Variants in ARHGAP8 observed in about 807,000 individuals in gnomAD.
The protein encoded by ARHGAP8 is Rho GTPase activating protein 8.
In ARHGAP8, 62 loss-of-function variants were observed where a neutral mutation model predicts 46.1. The observed-to-expected ratio is 1.34, with a 90% CI of 1.10 to 1.66. ARHGAP8 has a LOEUF of 1.66. Among genes scored for constraint, ARHGAP8 ranks in the 40% most tolerant of loss-of-function variants. The probability of loss-of-function intolerance (pLI) is 0.00; values close to 1 mark genes in which losing one functional copy is unlikely to be tolerated. For missense variants in ARHGAP8, 923 were observed against 568.4 expected, an observed-to-expected ratio of 1.62 and a Z score of -6.34; for synonymous variants, 375 against 243.1, an observed-to-expected ratio of 1.54 and a Z score of -5.05.
chr22:44,849,287 G>A (rs2070037967), intron 10 of ARHGAP8: 1 of 718,570 alleles, frequency 1.4e-6, no homozygotes, highest in African/African-American at 1.8e-5. Context: ...GGTCAGGGTT[G>A]TCCAGGCCGG....
At chr22:44,823,051 C>T (rs1930266938) in intron 6 of ARHGAP8, among the ~76,000 whole-genome samples, 1 of 152,264 alleles carries the variant, frequency 6.6e-6, no homozygotes, top group African/African-American at 2.4e-5. Context: ...CTGTGTCTCC[C>T]TCTCTGAGGC....
chr22:44,782,285 C>G (rs1926898030), intron 1 of ARHGAP8, among the ~76,000 whole-genome samples: 1 of 152,104 alleles, frequency 6.6e-6, no homozygotes. Context: ...TACAGTGAGC[C>G]AAGATCGCAC....
In ARHGAP8 at chr22:44,848,027, A is replaced by AG. The variant is rs1244749155; in HGVS notation, c.726dup (p.Ile243AspfsTer14). The AG allele has an allele frequency of 1.9e-6, 3 of 1,607,602 alleles. No homozygotes were observed. The highest frequency in any genetic ancestry group is 1.7e-6 in the Non-Finnish European group (2 of 1,179,954). ...TCCGCCAGCGTGCAGACCGTCCGCGAGATCCAGAGGCTCTACAACCAAGGT... is the reference window on the plus strand; with the variant it reads ...TCCGCCAGCGTGCAGACCGTCCGCGAGGATCCAGAGGCTCTACAACCAAGGT... On this transcript the variant is annotated frameshift_variant, in exon 9 of 12. Coordinates refer to ENST00000356099, the MANE Select transcript of ARHGAP8 (RefSeq NM_181335.3). LOFTEE classifies it high-confidence loss of function.
chr22:44,862,267 T>TA lies in ARHGAP8; in HGVS notation c.982-8_982-7insA. On this transcript the variant is annotated splice_region_variant and splice_polypyrimidine_tract_variant and intron_variant, in intron 11 of 11. Coordinates refer to ENST00000356099, the MANE Select transcript of ARHGAP8 (RefSeq NM_181335.3). ...CACTCCCCTTTACTTGTGTGTGGTT[T>TA]CCTCCAGGTGTCCCGGGAGAGCATC... 6.3e-6 allele frequency: 10 copies of TA among 1,580,552 alleles called. No homozygotes were observed. The South Asian group carries it at 9.2e-5, about 15-fold the overall frequency.
chr22:44,861,469 C>G (rs1206488490), intron 11 of ARHGAP8, among the ~76,000 whole-genome samples: 1 of 118,058 alleles, frequency 8.5e-6, no homozygotes, highest in Non-Finnish European at 1.9e-5. Flanking sequence ...GACCGGCAGC[C>G]AGGGGGAGCC....
chr22:44,858,471 A>G (rs1480553191), intron 10 of ARHGAP8, among the ~76,000 whole-genome samples: 1 of 146,902 alleles, frequency 6.8e-6, no homozygotes, highest in Non-Finnish European at 1.5e-5. Flanking sequence ...GAGTTCAAGC[A>G]ATTCTCCAGC....
chr22:44,816,091 C>A (rs1929721605), intron 5 of ARHGAP8, among the ~76,000 whole-genome samples: 1 of 152,144 alleles, frequency 6.6e-6, no homozygotes, highest in Admixed American at 6.5e-5. Flanking sequence ...GGTCGTCATT[C>A]TTCCCCAGAG....
chr22:44,828,873 C>T (rs1486352394), intron 7 of ARHGAP8, among the ~76,000 whole-genome samples: 1 of 152,076 alleles, frequency 6.6e-6, no homozygotes, highest in African/African-American at 2.4e-5. Flanking sequence ...ACACAGGGTC[C>T]CAGGGGTGGG....
At position 44,839,756 on chromosome 22, in the gene ARHGAP8, C is replaced by T. The variant is rs145058655; in HGVS notation, c.597-5513C>T. Among the ~76,000 whole-genome samples the T allele has an allele frequency of 9.2e-5, 14 of 152,360 alleles. No individual in the cohort carries two copies. In the East Asian group the frequency reaches 1.5e-3, roughly 17 times the overall value. On this transcript the variant is annotated intron_variant, in intron 7 of 11. Transcript: ENST00000356099. ...CGGTGGGTTTCATTCGGGCCCTTTT[C>T]ATCATGACCGAGTCTTCCGTTACCT...
intron 10 of ARHGAP8, among the ~76,000 whole-genome samples, chr22:44,856,218 G>T (rs897380266): frequency 3.3e-4 from 48 of 146,332 alleles, no homozygotes; most frequent in Admixed American, 2.4e-3. Flanking sequence ...ATATCAGAGT[G>T]CAGCTCACAT....
At chr22:44,797,881 C>A (rs931715111) in intron 2 of ARHGAP8, among the ~76,000 whole-genome samples, 1 of 152,102 alleles carries the variant, frequency 6.6e-6, no homozygotes, top group Admixed American at 6.5e-5. Flanking sequence ...GATCCTAGCT[C>A]ACTGCAGCCT....
chr22:44,818,579 C>G (rs1929916076), intron 5 of ARHGAP8, among the ~76,000 whole-genome samples: 1 of 152,244 alleles, frequency 6.6e-6, no homozygotes, highest in African/African-American at 2.4e-5. Flanking sequence ...AACAAAAGAG[C>G]CAACCCCTCT....
chr22:44,862,221 G>C, intron 11 of ARHGAP8, 54 bp from the exon 12 acceptor site: 3 of 1,527,582 alleles, frequency 2.0e-6, no homozygotes, highest in Non-Finnish European at 2.6e-6. Flanking sequence ...GGAGTTCCAG[G>C]TGCCCGTGCC....
intron 5 of ARHGAP8, among the ~76,000 whole-genome samples, chr22:44,815,916 G>T (rs1171033535): frequency 6.6e-6 from 1 of 151,530 alleles, no homozygotes; most frequent in Non-Finnish European, 1.5e-5. Context: ...CTCCCTGGGT[G>T]AGTTCTGCAG....
rs534659435 is a variant in ARHGAP8 at position 44,776,450 on chromosome 22, C to T, written c.-71-10007C>T. ...CTGGACAATAAGAGTGAAACTCCGT[C>T]TCAAAAAAAAAGAAAAAAAAAAGTA... On this transcript the variant is annotated intron_variant, in intron 1 of 11. Coordinates refer to ENST00000356099, the MANE Select transcript of ARHGAP8 (RefSeq NM_181335.3). 7.2e-5 allele frequency among the ~76,000 whole-genome samples: 6 copies of T among 83,004 alleles called. No homozygotes were observed. In the East Asian group the frequency reaches 1.9e-3, roughly 26 times the overall value. 54.5% of individuals were successfully genotyped at this position (83,004 alleles called of 152,430 possible). A position where few individuals can be genotyped will look rare whatever the true frequency, so the allele number is the denominator to read the frequency against.
intron 7 of ARHGAP8, among the ~76,000 whole-genome samples, chr22:44,831,789 G>A (rs970189596): frequency 1.3e-5 from 2 of 152,154 alleles, no homozygotes; most frequent in Non-Finnish European, 2.9e-5. Context: ...TTATTTCTGG[G>A]CACTCTAATT....
intron 10 of ARHGAP8, among the ~76,000 whole-genome samples, chr22:44,853,952 G>A (rs1005907340): frequency 2.8e-4 from 40 of 145,080 alleles, no homozygotes; most frequent in African/African-American, 7.7e-4. Context: ...GCTTGAACCC[G>A]GGAGGCAGAG....
intron 3 of ARHGAP8, among the ~76,000 whole-genome samples, chr22:44,807,251 G>A (rs1928995962): frequency 6.6e-6 from 1 of 152,170 alleles, no homozygotes; most frequent in African/African-American, 2.4e-5. Flanking sequence ...CAGAGTGCTG[G>A]TGGAGGGTTA....
At chr22:44,858,533 CTTTTTTTTTTT>C (rs10700242) in intron 10 of ARHGAP8, among the ~76,000 whole-genome samples, 1 of 89,784 alleles carries the variant, frequency 1.1e-5, no homozygotes, top group Non-Finnish European at 2.0e-5. Context: ...CCATACCCGG[CTTTTTTTTTTT>C]TTTTTTTAAG....
Sources: gnomAD v4.1 joint callset for allele counts (sites outside exome capture counted in the v4.1 genomes callset) on GRCh38, gnomAD v4.1.1 for gene constraint, MANE v1.5 for transcripts, NCBI Gene and HGNC (gene_info 2026-07-23, HGNC 2026-07-21) for gene names.